Variants in CACNA1A observed in about 807,000 individuals in gnomAD.
CACNA1A encodes calcium voltage-gated channel subunit alpha1 A, also known as voltage-dependent P/Q-type calcium channel subunit alpha-1A.
In CACNA1A, 57 loss-of-function variants were observed where a neutral mutation model predicts 262.4. That is an observed-to-expected ratio of 0.22 (90% CI 0.18 to 0.27). CACNA1A has a LOEUF of 0.27. Ranked by LOEUF, CACNA1A falls within the 10% of genes least tolerant of loss-of-function variation. The probability of loss-of-function intolerance (pLI) is 1.00; values close to 1 mark genes in which losing one functional copy is unlikely to be tolerated. For synonymous variants in CACNA1A, 1,431 were observed against 1,419.3 expected (o/e 1.01, Z -0.18); for missense variants, 2,526 against 3,562.8 (o/e 0.71, Z 7.41).
At chr19:13,287,081 G>A (rs982048033) in intron 19 of CACNA1A, 115 bp from the exon 20 acceptor site, 28 of 862,234 alleles carry the variant, frequency 3.2e-5, no homozygotes, top group Non-Finnish European at 4.4e-5. Context: ...GCTGGGCGCA[G>A]TGGCTCACGC....
intron 2 of CACNA1A, 95 bp downstream of exon 2, chr19:13,455,012 G>T: frequency 1.4e-6 from 1 of 691,262 alleles, no homozygotes; most frequent in Non-Finnish European, 2.6e-6. Context: ...CTGGGCTCCA[G>T]GACTGAGAGC....
At chr19:13,427,296 A>T (rs1361283489) in intron 3 of CACNA1A, among the ~76,000 whole-genome samples, 1 of 151,966 alleles carries the variant, frequency 6.6e-6, no homozygotes, top group African/African-American at 2.4e-5. Context: ...TACTAAAAAA[A>T]ATTAAATTAG....
At chr19:13,361,012 T>A (rs2059101762) in intron 5 of CACNA1A, among the ~76,000 whole-genome samples, 1 of 152,206 alleles carries the variant, frequency 6.6e-6, no homozygotes, top group South Asian at 2.1e-4. Context: ...GCCGTGTGCA[T>A]GGTGTAGCTG....
At position 13,277,144 on chromosome 19, in the gene CACNA1A, G is replaced by T; in HGVS notation, c.3823-16C>A. ...ATCGCAGCACCTGTAAGGGATAAAA[G>T]CAAGAGAGCAGTGGATCACTGGCCT... On this transcript the variant is annotated splice_polypyrimidine_tract_variant and intron_variant, in intron 22 of 46. Transcript: ENST00000360228. The T allele has an allele frequency of 1.2e-6, 2 of 1,600,220 alleles. No homozygotes were observed. Among genetic ancestry groups the T allele is most frequent in the Non-Finnish European group, 1.7e-6 (2 of 1,167,828 alleles).
At chr19:13,382,616 T>C (rs1599333975) in intron 3 of CACNA1A, among the ~76,000 whole-genome samples, 1 of 152,104 alleles carries the variant, frequency 6.6e-6, no homozygotes, top group East Asian at 1.9e-4. Flanking sequence ...CATGTAAGGT[T>C]TTGGAGCAGG....
intron 3 of CACNA1A, among the ~76,000 whole-genome samples, chr19:13,377,537 AT>A (rs111422331): frequency 0.036 from 5,464 of 151,084 alleles, 176 homozygotes; most frequent in South Asian, 0.086. Flanking sequence ...TAATTTTTGT[AT>A]TTTTAGTAGT....
chr19:13,470,596 A>G (rs2061331755), intron 1 of CACNA1A, among the ~76,000 whole-genome samples: 2 of 152,132 alleles, frequency 1.3e-5, no homozygotes, highest in Admixed American at 6.5e-5. Flanking sequence ...GTATTTTGCC[A>G]TTCTCTTGTT....
intron 1 of CACNA1A, among the ~76,000 whole-genome samples, chr19:13,455,673 G>T (rs746269557): frequency 1.1e-4 from 17 of 152,100 alleles, no homozygotes; most frequent in Non-Finnish European, 2.5e-4. Context: ...AGATGGTGAA[G>T]ACTATAGACA....
In CACNA1A at chr19:13,209,566, C is replaced by T. The variant is rs894099247; in HGVS notation, c.6340-68G>A. The T allele has an allele frequency of 7.6e-6, 9 of 1,182,476 alleles. No individual in the cohort carries two copies. The African/African-American group carries it at 7.9e-5, about 10-fold the overall frequency. The allele number at this position is 1,182,476 out of a possible 1,614,324, so 73.2% of individuals were successfully genotyped here. A position where few individuals can be genotyped will look rare whatever the true frequency, so the allele number is the denominator to read the frequency against. On this transcript the variant is annotated intron_variant, in intron 44 of 46. Coordinates refer to ENST00000360228, the MANE Select transcript of CACNA1A (RefSeq NM_001127222.2). The stretch of plus-strand genomic sequence containing the variant: ...CACCAAGTGGTCCCGGTCCTTCCTG[C>T]CCCATTGTGGCAGCCTGGTGGTGGC...
At chr19:13,421,047 T>C (rs2060308495) in intron 3 of CACNA1A, among the ~76,000 whole-genome samples, 1 of 152,114 alleles carries the variant, frequency 6.6e-6, no homozygotes, top group Non-Finnish European at 1.5e-5. Flanking sequence ...AGCTGCCACT[T>C]TTGGGTCTGA....
chr19:13,499,958 G>A (rs1306844990), intron 1 of CACNA1A, among the ~76,000 whole-genome samples: 2 of 152,022 alleles, frequency 1.3e-5, no homozygotes, highest in Non-Finnish European at 2.9e-5. Context: ...TACTGGGGGG[G>A]AAACAGGGAG....
intron 10 of CACNA1A, among the ~76,000 whole-genome samples, chr19:13,319,463 C>T (rs966025110): frequency 6.6e-6 from 1 of 152,174 alleles, no homozygotes; most frequent in Non-Finnish European, 1.5e-5. Context: ...ATTTGTTTCT[C>T]CATTCATTCC....
intron 3 of CACNA1A, among the ~76,000 whole-genome samples, chr19:13,419,069 T>C (rs1416982703): frequency 2.6e-5 from 4 of 152,116 alleles, no homozygotes; most frequent in African/African-American, 9.7e-5. Context: ...AATTTTTGCA[T>C]TTTTCAGTAA....
In CACNA1A at chr19:13,284,451, A is replaced by G. The variant is rs1426178335; in HGVS notation, c.3692+617T>C. The G allele has an allele frequency of 3.9e-5, 6 of 152,362 alleles. No individual in the cohort carries two copies. The East Asian group carries it at 1.2e-3, about 29-fold the overall frequency. The allele number at this position is 152,362 out of a possible 1,614,324, so 9.4% of individuals were successfully genotyped here. On this transcript the variant is annotated intron_variant, in intron 21 of 46. Transcript: ENST00000360228. ...TCTGACATGATCCTTCATTGTCAAG[A>G]AGCATTTTGAGCGGTCAGGCTTTCA...
At chr19:13,303,033 C>T (rs1377618741) in intron 17 of CACNA1A, among the ~76,000 whole-genome samples, 2 of 152,042 alleles carry the variant, frequency 1.3e-5, no homozygotes, top group East Asian at 3.9e-4. Context: ...TAACATGCTG[C>T]GTTTGGCTAA....
intron 1 of CACNA1A, among the ~76,000 whole-genome samples, chr19:13,471,923 T>A (rs1048445542): frequency 1.3e-5 from 2 of 152,146 alleles, no homozygotes; most frequent in African/African-American, 4.8e-5. Context: ...AATTGCTCAT[T>A]TTAAAATGGT....
intron 36 of CACNA1A, chr19:13,228,492 G>A (rs1056876812): frequency 4.7e-5 from 9 of 190,380 alleles, no homozygotes; most frequent in Non-Finnish European, 8.3e-5. Flanking sequence ...AGGGAAGGAG[G>A]AAATATGTTC....
At chr19:13,405,522 T>C (rs573560148) in intron 3 of CACNA1A, among the ~76,000 whole-genome samples, 7 of 152,300 alleles carry the variant, frequency 4.6e-5, no homozygotes, top group African/African-American at 1.7e-4. Flanking sequence ...TTGGTAGTAG[T>C]ATTGCATTAT....
At chr19:13,428,610 G>A (rs2144815080) in intron 3 of CACNA1A, among the ~76,000 whole-genome samples, 1 of 152,260 alleles carries the variant, frequency 6.6e-6, no homozygotes, top group Non-Finnish European at 1.5e-5. Flanking sequence ...TGAGACAGGT[G>A]GCATCGTTCC....
Sources: gnomAD v4.1 joint callset for allele counts (sites outside exome capture counted in the v4.1 genomes callset) on GRCh38, gnomAD v4.1.1 for gene constraint, MANE v1.5 for transcripts, NCBI Gene and HGNC (gene_info 2026-07-23, HGNC 2026-07-21) for gene names.